Variants in GLT8D2 observed in about 807,000 individuals in gnomAD.
GLT8D2 encodes glycosyltransferase 8 domain-containing protein 2.
GLT8D2 carries 45 observed loss-of-function variants against 44.5 expected under a neutral mutation model. That is an observed-to-expected ratio of 1.01 (90% CI 0.80 to 1.30). The LOEUF (loss-of-function observed/expected upper bound fraction) is 1.30, where lower values mean the gene tolerates loss of function less well. GLT8D2 is among the 50% of genes most tolerant of loss of function. The probability of loss-of-function intolerance (pLI) is 0.00; values close to 1 mark genes in which losing one functional copy is unlikely to be tolerated. For missense variants in GLT8D2, 400 were observed against 430.4 expected, an observed-to-expected ratio of 0.93 and a Z score of 0.62; for synonymous variants, 156 against 157.2, an observed-to-expected ratio of 0.99 and a Z score of 0.06.
chr12:104,021,930 G>C (rs1877786423), intron 1 of GLT8D2, among the ~76,000 whole-genome samples: 2 of 24,734 alleles, frequency 8.1e-5, no homozygotes, highest in East Asian at 1.8e-3. Context: ...AGAAGAAGAA[G>C]AAGAAGAAGA....
chr12:103,998,178 C>CA (rs1360209327), intron 6 of GLT8D2, among the ~76,000 whole-genome samples: 1 of 151,778 alleles, frequency 6.6e-6, no homozygotes, highest in Non-Finnish European at 1.5e-5. Context: ...AAGTAACAAT[C>CA]ATATGTAGAA....
chr12:104,040,310 T>C (rs1025414251), intron 1 of GLT8D2, among the ~76,000 whole-genome samples: 4 of 152,162 alleles, frequency 2.6e-5, no homozygotes, highest in Non-Finnish European at 4.4e-5. Flanking sequence ...AAAAAATTAT[T>C]TATGCCTGTA....
intron 1 of GLT8D2, among the ~76,000 whole-genome samples, chr12:104,026,864 C>G (rs560996321): frequency 1.3e-5 from 2 of 152,336 alleles, no homozygotes; most frequent in Admixed American, 1.3e-4. Flanking sequence ...TAACTATGGT[C>G]TTTAAAAGGA....
rs1873150925 is a variant in GLT8D2, at chr12:103,994,419, G to A, written c.683C>T (p.Pro228Leu). 2 of 1,614,120 alleles carry A rather than the reference G, an allele frequency of 1.2e-6. No individual in the cohort carries two copies. Among genetic ancestry groups the A allele is most frequent in the Non-Finnish European group, 1.7e-6 (2 of 1,179,982 alleles). ...GISPSTCSFN[P>L]GVIVANMTEW... is the part of the protein sequence containing the mutation. ...TGTCATGTTGGCAACAATCACACCA[G>A]GATTGAAAGAGCAGGTGCTGGGGCT... The change falls in exon 9 of 11, where the codon CCT becomes CTT. Residue 228 changes from proline to leucine, a missense_variant. Transcript: ENST00000360814.
rs35844634 is a variant in GLT8D2, at chr12:104,050,175, C to A, written c.-444G>T. On this transcript the variant is annotated 5_prime_UTR_variant, in exon 1 of 11. Coordinates refer to ENST00000360814, the MANE Select transcript of GLT8D2 (RefSeq NM_001384711.1). ...GAAGCCGCTGGGAACCCAGGAGTTG[C>A]GCTGGCAGAGAGGGGCGGCCCCAGA... 0.015 allele frequency: 2,329 copies of A among 152,398 alleles called. 34 individuals carry two copies. Among genetic ancestry groups the A allele is most frequent in the Middle Eastern group, 0.027 (8 of 294 alleles). The allele number at this position is 152,398 out of a possible 1,614,324, so 9.4% of individuals were successfully genotyped here.
Position 104,022,066 on chromosome 12 carries a change from GAAAGAAAGAAAAAA to G in GLT8D2, c.-163-589_-163-576del, listed in dbSNP as rs1190590693. 5.8e-5 allele frequency among the ~76,000 whole-genome samples: 6 copies of G among 103,688 alleles called. 2 individuals are homozygous for G. The highest frequency in any genetic ancestry group is 1.5e-4 in the African/African-American group (4 of 27,160). 68.0% of individuals were successfully genotyped at this position (103,688 alleles called of 152,430 possible). A position where few individuals can be genotyped will look rare whatever the true frequency, so the allele number is the denominator to read the frequency against. Reference sequence around the variant, plus strand: ...GAAGAAGAAGAAGAAGGGAAAGAAAGAAAGAAAGAAAAAAAAAGAAAGAAAGAAAGAAGAAAAGA... The same window carrying G: ...GAAGAAGAAGAAGAAGGGAAAGAAAGAAAGAAAGAAAGAAAGAAGAAAAGA... On this transcript the variant is annotated intron_variant, in intron 1 of 10. Transcript: ENST00000360814.
chr12:104,044,968 A>G (rs1880928996), intron 1 of GLT8D2, among the ~76,000 whole-genome samples: 1 of 152,220 alleles, frequency 6.6e-6, no homozygotes, highest in South Asian at 2.1e-4. Flanking sequence ...AGTTGTAAAC[A>G]TCATGACACT....
intron 4 of GLT8D2, among the ~76,000 whole-genome samples, chr12:104,006,710 G>C (rs75650342): frequency 6.6e-6 from 1 of 152,112 alleles, no homozygotes; most frequent in African/African-American, 2.4e-5. Context: ...CTTGTTAGAC[G>C]ATTTACAAGA....
intron 3 of GLT8D2, among the ~76,000 whole-genome samples, chr12:104,016,826 AAAAGAAAGAAAGAAAG>A (rs200147212): frequency 2.2e-3 from 159 of 72,538 alleles, no homozygotes; most frequent in African/African-American, 4.8e-3. Context: ...AAAGAGAAAG[AAAAGAAAGAAAGAAAG>A]AAAGAAAGAA....
chr12:104,043,074 T>G (rs568964976), intron 1 of GLT8D2, among the ~76,000 whole-genome samples: 3 of 152,182 alleles, frequency 2.0e-5, no homozygotes, highest in Non-Finnish European at 4.4e-5. Context: ...CGCTCTCTCC[T>G]CCTTACATGC....
upstream of GLT8D2, among the ~76,000 whole-genome samples, chr12:104,052,555 C>T (rs758776545): frequency 2.6e-5 from 4 of 152,146 alleles, no homozygotes; most frequent in African/African-American, 9.7e-5. Flanking sequence ...GCAACAGTAG[C>T]GTTAAGTGGC....
At chr12:104,025,750 G>A (rs1056037680) in intron 1 of GLT8D2, among the ~76,000 whole-genome samples, 4 of 152,116 alleles carry the variant, frequency 2.6e-5, no homozygotes, top group Non-Finnish European at 5.9e-5. Context: ...GAGACCATTT[G>A]TTATTCCTTC....
chr12:104,003,371 A>G, intron 4 of GLT8D2, 65 bp from the exon 5 acceptor site: 1 of 1,374,880 alleles, frequency 7.3e-7, no homozygotes. Flanking sequence ...AGTTTAATGC[A>G]TCTTCCATAC....
intron 4 of GLT8D2, among the ~76,000 whole-genome samples, chr12:104,003,803 T>C (rs907804463): frequency 3.9e-5 from 6 of 152,258 alleles, no homozygotes; most frequent in African/African-American, 1.4e-4. Context: ...GAAATAAACT[T>C]CTATTTTGTT....
intron 1 of GLT8D2, among the ~76,000 whole-genome samples, chr12:104,043,844 T>G (rs1320387060): frequency 7.2e-5 from 11 of 152,232 alleles, no homozygotes; most frequent in Admixed American, 6.5e-4. Flanking sequence ...CTTATTCCCA[T>G]GTGCACTGAC....
chr12:104,015,631 A>G (rs954536801), intron 3 of GLT8D2, among the ~76,000 whole-genome samples: 1 of 152,162 alleles, frequency 6.6e-6, no homozygotes, highest in Admixed American at 6.6e-5. Flanking sequence ...ATTGTTGCTC[A>G]GGGGTCTTGC....
intron 4 of GLT8D2, chr12:104,012,964 C>G: frequency 1.8e-6 from 1 of 551,928 alleles, no homozygotes. Context: ...GAAACAAAAC[C>G]TGCTCACACC....
intron 1 of GLT8D2, among the ~76,000 whole-genome samples, chr12:104,046,589 A>T (rs1298418443): frequency 6.6e-6 from 1 of 152,208 alleles, no homozygotes; most frequent in Non-Finnish European, 1.5e-5. Flanking sequence ...TTAACTCTGC[A>T]AGACTTGCAC....
chr12:104,064,337 T>G (rs1259177330), upstream of GLT8D2: 1 of 439,434 alleles, frequency 2.3e-6, no homozygotes, highest in East Asian at 3.6e-5. This position sits in a 1 kb window ranked among gnomAD's most constrained non-coding sequence, Gnocchi z 7.3. Context: ...GGTGCGTTGC[T>G]CCGGGTGGCC....
Sources: gnomAD v4.1 joint callset for allele counts (sites outside exome capture counted in the v4.1 genomes callset) on GRCh38, gnomAD v4.1.1 for gene constraint, Gnocchi (gnomAD v3.1) non-coding constraint, MANE v1.5 for transcripts, NCBI Gene and HGNC (gene_info 2026-07-23, HGNC 2026-07-21) for gene names.